The following SNTG2 variants were observed in gnomAD, a reference collection of about 807,000 sequenced individuals.
SNTG2 encodes the protein gamma-2-syntrophin.
In SNTG2, 74 loss-of-function variants were observed where a neutral mutation model predicts 70.9. The ratio of observed to expected loss-of-function variants is 1.04; its 90% CI spans 0.86 to 1.27. The LOEUF (loss-of-function observed/expected upper bound fraction) is 1.27, where lower values mean the gene tolerates loss of function less well. Ranked by LOEUF, SNTG2 falls within the 50% of genes most tolerant of loss-of-function variation. The probability of loss-of-function intolerance (pLI) is 0.00; values close to 1 mark genes in which losing one functional copy is unlikely to be tolerated. For missense variants in SNTG2, 717 were observed against 690.7 expected, an observed-to-expected ratio of 1.04 and a Z score of -0.43; for synonymous variants, 278 against 273.8, an observed-to-expected ratio of 1.02 and a Z score of -0.15.
At chr2:1,322,381 C>T (rs953594125) in intron 16 of SNTG2, among the ~76,000 whole-genome samples, 2 of 152,142 alleles carry the variant, frequency 1.3e-5, no homozygotes, top group African/African-American at 4.8e-5. Context: ...GGAAAATCCA[C>T]ATCCCCAGAA....
At chr2:1,205,510 G>T (rs1673576933) in intron 8 of SNTG2, among the ~76,000 whole-genome samples, 1 of 152,146 alleles carries the variant, frequency 6.6e-6, no homozygotes, top group African/African-American at 2.4e-5. Context: ...TGTCTGAGAT[G>T]AAGACTGTCT....
At chr2:1,317,617 T>G (rs112003826) in intron 16 of SNTG2, among the ~76,000 whole-genome samples, 4 of 75,532 alleles carry the variant, frequency 5.3e-5, no homozygotes, top group African/African-American at 9.6e-5. Context: ...CTGGAGCATT[T>G]AGCATCAGGT....
intron 14 of SNTG2, among the ~76,000 whole-genome samples, chr2:1,279,227 G>C (rs1245448202): frequency 6.6e-6 from 1 of 152,180 alleles, no homozygotes; most frequent in Non-Finnish European, 1.5e-5. Flanking sequence ...TTACAGCGTT[G>C]CAGTGCTTGT....
intron 9 of SNTG2, among the ~76,000 whole-genome samples, chr2:1,224,439 G>C (rs1272719479): frequency 6.6e-6 from 1 of 152,104 alleles, no homozygotes; most frequent in Non-Finnish European, 1.5e-5. Flanking sequence ...TGGCTTCCCA[G>C]CCTCCTCATC....
chr2:996,811 T>A (rs1382389265), intron 1 of SNTG2, among the ~76,000 whole-genome samples: 1 of 151,350 alleles, frequency 6.6e-6, no homozygotes, highest in Non-Finnish European at 1.5e-5. Flanking sequence ...TAGCAGTGAA[T>A]GAACAAAAGG....
At chr2:1,232,036 A>G (rs149019392) in intron 9 of SNTG2, among the ~76,000 whole-genome samples, 1 of 152,274 alleles carries the variant, frequency 6.6e-6, no homozygotes, top group Non-Finnish European at 1.5e-5. Flanking sequence ...GTCCCTGGAC[A>G]TCGTGCTCCA....
intron 1 of SNTG2, among the ~76,000 whole-genome samples, chr2:966,778 C>G: frequency 6.6e-6 from 1 of 152,060 alleles, no homozygotes. Context: ...AACCCCGTCT[C>G]TACTAAAAAT....
intron 1 of SNTG2, among the ~76,000 whole-genome samples, chr2:982,841 T>G (rs1345466591): frequency 1.3e-5 from 2 of 152,054 alleles, no homozygotes; most frequent in East Asian, 3.9e-4. Flanking sequence ...AGTCCCAAGG[T>G]GCAGAGACTG....
At chr2:1,271,405 AT>A (rs925592220) in intron 14 of SNTG2, among the ~76,000 whole-genome samples, 6 of 151,994 alleles carry the variant, frequency 3.9e-5, no homozygotes, top group African/African-American at 1.5e-4. Context: ...ATGTCAATTT[AT>A]TTAAATTCTA....
At chr2:1,122,995 C>G (rs1572498599) in intron 4 of SNTG2, among the ~76,000 whole-genome samples, 1 of 151,810 alleles carries the variant, frequency 6.6e-6, no homozygotes, top group Admixed American at 6.6e-5. Flanking sequence ...TAAGTATAAC[C>G]AAGGAGATAA....
At chr2:1,066,992 G>A (rs1572349489) in intron 1 of SNTG2, among the ~76,000 whole-genome samples, 2 of 152,078 alleles carry the variant, frequency 1.3e-5, no homozygotes, top group South Asian at 2.1e-4. Context: ...CTGTTCCTGG[G>A]CCAAATGCAT....
chr2:1,177,140 T>C (rs769611972), intron 8 of SNTG2, among the ~76,000 whole-genome samples: 53 of 152,212 alleles, frequency 3.5e-4, no homozygotes, highest in Non-Finnish European at 7.5e-4. Flanking sequence ...CATGGAATAC[T>C]ATGCAGCCAT....
chr2:1,217,698 T>C (rs747389178), intron 9 of SNTG2, among the ~76,000 whole-genome samples: 1 of 152,200 alleles, frequency 6.6e-6, no homozygotes, highest in Non-Finnish European at 1.5e-5. Context: ...TAGAAATGTA[T>C]GTACATTTCT....
intron 8 of SNTG2, among the ~76,000 whole-genome samples, chr2:1,186,055 T>C (rs1365579396): frequency 1.3e-5 from 2 of 152,238 alleles, no homozygotes. Context: ...CCATCTTGAA[T>C]GCTTTGCTGC....
chr2:1,271,019 C>T (rs36177514), intron 14 of SNTG2, among the ~76,000 whole-genome samples: 32,383 of 152,084 alleles, frequency 0.21, 4,753 homozygotes, highest in African/African-American at 0.41. Flanking sequence ...TCTGAATGCA[C>T]CTATGTGAGG....
intron 7 of SNTG2, among the ~76,000 whole-genome samples, chr2:1,170,511 G>C (rs1175112635): frequency 6.6e-6 from 1 of 152,108 alleles, no homozygotes; most frequent in Non-Finnish European, 1.5e-5. Flanking sequence ...CTCAAACCCC[G>C]TGGCATCCGA....
chr2:1,130,467 A>T (rs1173164449), intron 4 of SNTG2, among the ~76,000 whole-genome samples: 3 of 152,214 alleles, frequency 2.0e-5, no homozygotes, highest in African/African-American at 7.2e-5. Flanking sequence ...GAAAAATTCA[A>T]AAAGAACTGT....
intron 8 of SNTG2, among the ~76,000 whole-genome samples, chr2:1,200,311 T>A (rs1673196399): frequency 6.6e-6 from 1 of 151,942 alleles, no homozygotes; most frequent in African/African-American, 2.4e-5. Context: ...AGCTGGATAT[T>A]CATCTGCAGA....
intron 2 of SNTG2, among the ~76,000 whole-genome samples, chr2:1,085,984 C>T (rs895698707): frequency 6.6e-6 from 1 of 152,162 alleles, no homozygotes; most frequent in African/African-American, 2.4e-5. Context: ...TAGAAAATTT[C>T]ACATCTTCAT....
Sources: gnomAD v4.1 joint callset for allele counts (sites outside exome capture counted in the v4.1 genomes callset) on GRCh38, gnomAD v4.1.1 for gene constraint, MANE v1.5 for transcripts, NCBI Gene and HGNC (gene_info 2026-07-23, HGNC 2026-07-21) for gene names.